The following PCDHA9 variants were observed in gnomAD, a reference collection of about 807,000 sequenced individuals.
PCDHA9 encodes protocadherin alpha 9.
A neutral mutation model predicts 62.0 loss-of-function variants in PCDHA9; 62 were observed. That is an observed-to-expected ratio of 1.00 (90% CI 0.81 to 1.23). The LOEUF (loss-of-function observed/expected upper bound fraction) is 1.23, where lower values mean the gene tolerates loss of function less well. PCDHA9 is among the 50% of genes most tolerant of loss of function. PCDHA9 has a pLI of 0.00. For synonymous variants in PCDHA9, 557 were observed against 567.6 expected, an observed-to-expected ratio of 0.98 and a Z score of 0.27; for missense variants, 1,205 against 1,249.8, an observed-to-expected ratio of 0.96 and a Z score of 0.54.
intron 1 of PCDHA9, among the ~76,000 whole-genome samples, chr5:140,934,025 A>C (rs190533956): frequency 1.2e-3 from 183 of 152,100 alleles, no homozygotes; most frequent in Non-Finnish European, 2.2e-3. Flanking sequence ...ACTTGGAAGT[A>C]GTTTATTAAT....
chr5:140,880,090 G>A (rs977793027), intron 1 of PCDHA9, among the ~76,000 whole-genome samples: 3 of 152,136 alleles, frequency 2.0e-5, no homozygotes, highest in Admixed American at 2.0e-4. Context: ...ATTATAGTAG[G>A]CTTAAAATCA....
chr5:140,976,505 C>A (rs538128648), intron 1 of PCDHA9, among the ~76,000 whole-genome samples: 1 of 152,004 alleles, frequency 6.6e-6, no homozygotes, highest in Non-Finnish European at 1.5e-5. Flanking sequence ...GAGCCAAGAT[C>A]GCGCCACTGC....
At position 140,877,386 on chromosome 5, in the gene PCDHA9, T is replaced by G. The variant is rs782310487; in HGVS notation, c.2394+26497T>G. 5 of 1,613,816 alleles carry G rather than the reference T, an allele frequency of 3.1e-6. No individual in the cohort carries two copies. In the African/African-American group the frequency reaches 6.7e-5, roughly 22 times the overall value. On this transcript the variant is annotated intron_variant, in intron 1 of 3. Coordinates refer to ENST00000532602, the MANE Select transcript of PCDHA9 (RefSeq NM_031857.2). ...AGATCAGCACGACACGCATCCTGGA[T>G]GAGGCGGACGCTCCGCGCCACCGCC... is the stretch of plus-strand genomic sequence containing the variant.
chr5:140,884,554 G>A (rs1554181727), intron 1 of PCDHA9: 10 of 1,614,160 alleles, frequency 6.2e-6, no homozygotes, highest in Non-Finnish European at 6.8e-6. Context: ...GCTCTGGGGA[G>A]GGCCCGCATA....
chr5:140,975,216 G>C (rs1349439819), intron 1 of PCDHA9, among the ~76,000 whole-genome samples: 1 of 152,198 alleles, frequency 6.6e-6, no homozygotes, highest in Admixed American at 6.5e-5. Flanking sequence ...TGGCACTGGA[G>C]AATCTTCCCT....
chr5:140,928,587 C>T, intron 1 of PCDHA9: 1 of 1,614,228 alleles, frequency 6.2e-7, no homozygotes. Flanking sequence ...ATGGTTCTGT[C>T]CCAGTGGAAA....
chr5:140,944,463 A>C (rs2093660880), intron 1 of PCDHA9, among the ~76,000 whole-genome samples: 1 of 152,198 alleles, frequency 6.6e-6, no homozygotes, highest in Admixed American at 6.5e-5. Flanking sequence ...CTGGGATTAC[A>C]GGTATGAGGC....
chr5:141,011,924 AG>A lies in PCDHA9; in HGVS notation c.*1989del, dbSNP rs1246091886. Reference sequence around the variant, plus strand: ...ATTTAGGCATTAATATAAAAGAGGTAGGAGTCTGTTATTTAAAAAAAGCATT... The same window carrying A: ...ATTTAGGCATTAATATAAAAGAGGTAGAGTCTGTTATTTAAAAAAAGCATT... On this transcript the variant is annotated 3_prime_UTR_variant, in exon 4 of 4. Coordinates refer to ENST00000532602, the MANE Select transcript of PCDHA9 (RefSeq NM_031857.2). 1 of 153,728 alleles carries A rather than the reference AG, an allele frequency of 6.5e-6. No homozygotes were observed. Among genetic ancestry groups the A allele is most frequent in the Non-Finnish European group, 1.5e-5 (1 of 68,042 alleles). 9.5% of individuals were successfully genotyped at this position (153,728 alleles called of 1,614,324 possible).
intron 1 of PCDHA9, among the ~76,000 whole-genome samples, chr5:140,921,161 T>A (rs201050388): frequency 2.1e-5 from 3 of 141,450 alleles, no homozygotes; most frequent in African/African-American, 5.2e-5. Context: ...ATTTTTTTTT[T>A]AACACACATA....
chr5:140,916,612 G>A (rs1256459125), intron 1 of PCDHA9, among the ~76,000 whole-genome samples: 3 of 152,144 alleles, frequency 2.0e-5, no homozygotes, highest in African/African-American at 7.2e-5. Flanking sequence ...CGGGCCTCAT[G>A]ACTCTACTCA....
In PCDHA9 at chr5:140,895,583, A is replaced by C. The variant is rs545210218; in HGVS notation, c.2394+44694A>C. On this transcript the variant is annotated intron_variant, in intron 1 of 3. Coordinates refer to ENST00000532602, the MANE Select transcript of PCDHA9 (RefSeq NM_031857.2). ...ATATTCTAGATGCAATTACTTTATT[A>C]GATATATAATTTGCAAAGATTTTCT... Among the ~76,000 whole-genome samples, 15 of 152,292 alleles carry C rather than the reference A, an allele frequency of 9.8e-5. No individual in the cohort carries two copies. In the South Asian group the frequency reaches 3.1e-3, roughly 32 times the overall value.
intron 1 of PCDHA9, among the ~76,000 whole-genome samples, chr5:140,909,018 A>AT: frequency 6.6e-6 from 1 of 152,230 alleles, no homozygotes; most frequent in East Asian, 1.9e-4. Context: ...AGGTTCCTGA[A>AT]TTTTAGTCAT....
At chr5:140,989,060 G>A (rs1233023153) in intron 3 of PCDHA9, 1 of 152,138 alleles carries the variant, frequency 6.6e-6, no homozygotes, top group Non-Finnish European at 1.5e-5. Context: ...CTACATTGAG[G>A]CAATACAGTC....
rs1554202548 is a variant in PCDHA9, at chr5:140,925,108, G to GGAA, written c.2395-53840_2395-53839insAAG. 5.0e-3 allele frequency among the ~76,000 whole-genome samples: 619 copies of GGAA among 124,770 alleles called. 3 individuals are homozygous for GGAA. Among genetic ancestry groups the GGAA allele is most frequent in the African/African-American group, 0.02 (595 of 30,200 alleles). The allele number at this position is 124,770 out of a possible 152,430, so 81.9% of individuals were successfully genotyped here. ...AAGGAAGGAAGGAAGGAAGGAAGGA[G>GGAA]GGAAGGAAGGAAGGAAAAAAAATTT... is the stretch of plus-strand genomic sequence containing the variant. On this transcript the variant is annotated intron_variant, in intron 1 of 3. Coordinates refer to ENST00000532602, the MANE Select transcript of PCDHA9 (RefSeq NM_031857.2).
chr5:140,910,058 T>A (rs571957156), intron 1 of PCDHA9, among the ~76,000 whole-genome samples: 5 of 152,344 alleles, frequency 3.3e-5, no homozygotes, highest in African/African-American at 9.6e-5. Flanking sequence ...TAAGTGATCT[T>A]TTAACAGCGT....
chr5:140,941,942 T>C (rs2093203170), intron 1 of PCDHA9, among the ~76,000 whole-genome samples: 1 of 152,234 alleles, frequency 6.6e-6, no homozygotes, highest in African/African-American at 2.4e-5. Flanking sequence ...GAATTACTTT[T>C]GTTTTGAAAA....
rs183247098 is a variant in PCDHA9 at position 140,949,419 on chromosome 5, T to G, written c.2395-29530T>G. On this transcript the variant is annotated intron_variant, in intron 1 of 3. Coordinates refer to ENST00000532602, the MANE Select transcript of PCDHA9 (RefSeq NM_031857.2). ...TGTTAAAAATCACCTATCATCATTGTGTTTATCTCTTTGTGCCCATTTTTG... is the reference window on the plus strand; with the variant it reads ...TGTTAAAAATCACCTATCATCATTGGGTTTATCTCTTTGTGCCCATTTTTG... Among the ~76,000 whole-genome samples the G allele has an allele frequency of 2.5e-3, 382 of 151,992 alleles. 3 individuals are homozygous for G. The highest frequency in any genetic ancestry group is 0.018 in the South Asian group (86 of 4,828).
chr5:140,975,126 A>G (rs1334807357), intron 1 of PCDHA9, among the ~76,000 whole-genome samples: 6 of 152,074 alleles, frequency 3.9e-5, no homozygotes, highest in Admixed American at 2.6e-4. Flanking sequence ...CCTACTTACT[A>G]TTGGCCTGGG....
intron 1 of PCDHA9, among the ~76,000 whole-genome samples, chr5:140,951,313 T>C (rs1554219855): frequency 1.3e-5 from 2 of 152,194 alleles, no homozygotes; most frequent in Non-Finnish European, 2.9e-5. Flanking sequence ...TAATGTGTTA[T>C]TCTTGAGATT....
Sources: gnomAD v4.1 joint callset for allele counts (sites outside exome capture counted in the v4.1 genomes callset) on GRCh38, gnomAD v4.1.1 for gene constraint, MANE v1.5 for transcripts, NCBI Gene and HGNC (gene_info 2026-07-23, HGNC 2026-07-21) for gene names.